The following MAP2K5 variants were observed in gnomAD, a reference collection of about 807,000 sequenced individuals.
MAP2K5 encodes the protein mitogen-activated protein kinase kinase 5.
MAP2K5 carries 49 observed loss-of-function variants against 83.1 expected under a neutral mutation model. The ratio of observed to expected loss-of-function variants is 0.59; its 90% CI spans 0.47 to 0.75. MAP2K5 has a LOEUF of 0.75. Ranked by LOEUF, MAP2K5 falls within the 30% of genes least tolerant of loss-of-function variation. The pLI is 0.00. For synonymous variants in MAP2K5, 202 were observed against 191.8 expected (o/e 1.05, Z -0.44); for missense variants, 457 against 557.5 (o/e 0.82, Z 1.82).
chr15:67,601,201 T>G (rs2085651272), intron 8 of MAP2K5, among the ~76,000 whole-genome samples: 1 of 152,200 alleles, frequency 6.6e-6, no homozygotes, highest in Non-Finnish European at 1.5e-5. Flanking sequence ...TGTTGTATTT[T>G]CTTCTCTCCT....
At chr15:67,609,274 C>G (rs1380476125) in intron 8 of MAP2K5, among the ~76,000 whole-genome samples, 1 of 152,056 alleles carries the variant, frequency 6.6e-6, no homozygotes, top group East Asian at 1.9e-4. Flanking sequence ...CTATTCCAAG[C>G]ATGTACAGTC....
rs1342226486 is a variant in MAP2K5 at position 67,677,784 on chromosome 15, G to A, written c.847+13139G>A. The stretch of plus-strand genomic sequence containing the variant: ...CTTTTACTTACTATGAAAGGATTAA[G>A]AGAGGGAGAATTGAGAAGCTCAGGC... On this transcript the variant is annotated intron_variant, in intron 13 of 21. Transcript: ENST00000178640. This position sits in a 1 kb window ranked among gnomAD's most constrained non-coding sequence, Gnocchi z 4.2. Among the ~76,000 whole-genome samples the A allele has an allele frequency of 6.6e-6, 1 of 152,208 alleles. No individual in the cohort carries two copies. The highest frequency in any genetic ancestry group is 2.4e-5 in the African/African-American group (1 of 41,444).
chr15:67,549,950 G>T, intron 1 of MAP2K5, 84 bp from the exon 2 acceptor site: 1 of 981,974 alleles, frequency 1.0e-6, no homozygotes. Context: ...TCTTTCCCAG[G>T]TTCTCATATT....
At chr15:67,566,155 CT>C (rs758428547) in intron 3 of MAP2K5, among the ~76,000 whole-genome samples, 2 of 152,014 alleles carry the variant, frequency 1.3e-5, no homozygotes, top group Non-Finnish European at 2.9e-5. Flanking sequence ...TTGCAAAAAG[CT>C]GTTTTTTTCT....
chr15:67,769,640 A>G lies in MAP2K5; in HGVS notation c.1173A>G (p.Pro391=), dbSNP rs1566958325. 6.2e-7 allele frequency: 1 copy of G among 1,613,786 alleles called. No individual in the cohort carries two copies. Among genetic ancestry groups the G allele is most frequent in the Non-Finnish European group, 8.5e-7 (1 of 1,179,774 alleles). Reference sequence around the variant, plus strand: ...TTCCAGTTGGAGAGTTCTCGGAGCCATTTGTACATTTCATCACTCAGTGGT... The same window carrying G: ...TTCCAGTTGGAGAGTTCTCGGAGCCGTTTGTACATTTCATCACTCAGTGGT... The part of the protein sequence containing the change: ...PVLPVGEFSE[P]FVHFITQCMR... The change falls in exon 20 of 22, where the codon CCA becomes CCG. Residue 391 remains proline, a synonymous_variant. Transcript: ENST00000178640. This position sits in a 1 kb window ranked among gnomAD's most constrained non-coding sequence, Gnocchi z 5.2.
rs1305160010 is a variant in MAP2K5 at position 67,676,447 on chromosome 15, G to C, written c.847+11802G>C. On this transcript the variant is annotated intron_variant, in intron 13 of 21. Coordinates refer to ENST00000178640, the MANE Select transcript of MAP2K5 (RefSeq NM_145160.3). The surrounding 1 kb of genome is among the most constrained non-coding windows in gnomAD (Gnocchi z 4.8). ...AAGAGATTTATCCTTGGGACATTTT[G>C]CCAAGCAGAATGGACAGACAGCTTT... Among the ~76,000 whole-genome samples, 2 of 152,058 alleles carry C rather than the reference G, an allele frequency of 1.3e-5. No individual in the cohort carries two copies. Among genetic ancestry groups the C allele is most frequent in the African/African-American group, 2.4e-5 (1 of 41,396 alleles).
In MAP2K5 at chr15:67,720,872, T is replaced by C. The variant is rs183584218; in HGVS notation, c.1045-7044T>C. ...GATATAACCCTATATTAGGTGAAGA[T>C]TGTGAACTAAGCTGCAATAAAGTGT... On this transcript the variant is annotated intron_variant, in intron 16 of 21. Coordinates refer to ENST00000178640, the MANE Select transcript of MAP2K5 (RefSeq NM_145160.3). The surrounding 1 kb of genome is among the most constrained non-coding windows in gnomAD (Gnocchi z 5.7). Among the ~76,000 whole-genome samples, 3 of 152,344 alleles carry C rather than the reference T, an allele frequency of 2.0e-5. No individual in the cohort carries two copies. The highest frequency in any genetic ancestry group is 7.2e-5 in the African/African-American group (3 of 41,586).
intron 13 of MAP2K5, among the ~76,000 whole-genome samples, chr15:67,673,002 T>C (rs923817191): frequency 6.6e-6 from 1 of 152,132 alleles, no homozygotes; most frequent in Admixed American, 6.5e-5. Flanking sequence ...GAGGGCTCTG[T>C]TCTGTTCCAT....
At chr15:67,669,816 G>A (rs1224184950) in intron 13 of MAP2K5, among the ~76,000 whole-genome samples, 1 of 152,036 alleles carries the variant, frequency 6.6e-6, no homozygotes, top group African/African-American at 2.4e-5. Context: ...ATAATATGAA[G>A]TGCTGACTAG....
In MAP2K5 at chr15:67,628,341, G is replaced by A. The variant is rs140450540; in HGVS notation, c.546-2547G>A. 9.6e-3 allele frequency: 4,983 copies of A among 517,098 alleles called. 39 individuals are homozygous for A. The highest frequency in any genetic ancestry group is 0.014 in the Non-Finnish European group (4,160 of 291,274). The allele number at this position is 517,098 out of a possible 1,614,324, so 32.0% of individuals were successfully genotyped here. A position where few individuals can be genotyped will look rare whatever the true frequency, so the allele number is the denominator to read the frequency against. ...CTAAAAATACAAAAATTAGCTGGTCGTGGTGGCAGGCACCTGTAATCCCAG... is the reference window on the plus strand; with the variant it reads ...CTAAAAATACAAAAATTAGCTGGTCATGGTGGCAGGCACCTGTAATCCCAG... On this transcript the variant is annotated intron_variant, in intron 8 of 21. Transcript: ENST00000178640.
rs59269114 is a variant in MAP2K5, at chr15:67,547,077, A to AACACACACACACACACACAC, written c.136-2945_136-2926dup. ...GAGACCCTATCTCAAAAAAGAAGAA[A>AACACACACACACACACACAC]ACACACACACACACACACACACACA... On this transcript the variant is annotated intron_variant, in intron 1 of 21. Transcript: ENST00000178640. 3.8e-3 allele frequency among the ~76,000 whole-genome samples: 547 copies of AACACACACACACACACACAC among 144,178 alleles called. 7 individuals carry two copies. Among genetic ancestry groups the AACACACACACACACACACAC allele is most frequent in the African/African-American group, 8.8e-3 (339 of 38,584 alleles). 94.6% of individuals were successfully genotyped at this position (144,178 alleles called of 152,430 possible). A position where few individuals can be genotyped will look rare whatever the true frequency, so the allele number is the denominator to read the frequency against.
At chr15:67,544,607 A>G (rs935789269) in intron 1 of MAP2K5, among the ~76,000 whole-genome samples, 6 of 152,300 alleles carry the variant, frequency 3.9e-5, no homozygotes, top group Non-Finnish European at 2.9e-5. Context: ...TATTCATTTG[A>G]GATAGACAGG....
rs980754550 is a variant in MAP2K5 at position 67,668,111 on chromosome 15, T to C, written c.847+3466T>C. The stretch of plus-strand genomic sequence containing the variant: ...TATTCAGTCAGGTGTTACTATTGTT[T>C]ATTTTGCTCTTTTTAAGATTTGGTT... On this transcript the variant is annotated intron_variant, in intron 13 of 21. Coordinates refer to ENST00000178640, the MANE Select transcript of MAP2K5 (RefSeq NM_145160.3). This position sits in a 1 kb window ranked among gnomAD's most constrained non-coding sequence, Gnocchi z 4.0. Among the ~76,000 whole-genome samples the C allele has an allele frequency of 2.0e-5, 3 of 152,216 alleles. No homozygotes were observed. Among genetic ancestry groups the C allele is most frequent in the African/African-American group, 7.2e-5 (3 of 41,472 alleles).
rs12593640 is a variant in MAP2K5, at chr15:67,786,750, G to C, written c.1242+13998G>C. On this transcript the variant is annotated intron_variant, in intron 21 of 21. Transcript: ENST00000178640. The surrounding 1 kb of genome is among the most constrained non-coding windows in gnomAD (Gnocchi z 4.7). ...TACTGAACGCTCTCCACCTCTAGTT[G>C]CTTATCTACAAAAATAGAGTATCGC... Among the ~76,000 whole-genome samples, 14,046 of 152,250 alleles carry C rather than the reference G, an allele frequency of 0.092. 761 individuals carry two copies. Among genetic ancestry groups the C allele is most frequent in the Admixed American group, 0.11 (1,606 of 15,290 alleles).
intron 16 of MAP2K5, among the ~76,000 whole-genome samples, chr15:67,712,261 A>T (rs1220578242): frequency 6.6e-6 from 1 of 152,220 alleles, no homozygotes. Flanking sequence ...CTGACTAGGA[A>T]GACTTAAAGA....
intron 11 of MAP2K5, among the ~76,000 whole-genome samples, chr15:67,651,331 A>G: frequency 6.6e-6 from 1 of 152,244 alleles, no homozygotes; most frequent in East Asian, 1.9e-4. Context: ...ACTCAAAGTA[A>G]TGGAGATATG....
intron 3 of MAP2K5, among the ~76,000 whole-genome samples, chr15:67,566,426 T>C (rs1427352547): frequency 6.6e-6 from 1 of 152,210 alleles, no homozygotes; most frequent in Non-Finnish European, 1.5e-5. Flanking sequence ...TCCGCACACC[T>C]TGGCCTCCCA....
chr15:67,745,209 G>T (rs1452925774), intron 17 of MAP2K5, among the ~76,000 whole-genome samples: 1 of 152,192 alleles, frequency 6.6e-6, no homozygotes, highest in Non-Finnish European at 1.5e-5. Flanking sequence ...AGGAATGAGG[G>T]CTTGGACAAG....
chr15:67,697,731 C>T (rs1186657444), intron 15 of MAP2K5, among the ~76,000 whole-genome samples: 1 of 152,042 alleles, frequency 6.6e-6, no homozygotes, highest in East Asian at 1.9e-4. Context: ...CAAAATTACC[C>T]AAATACAGCC....
Sources: gnomAD v4.1 joint callset for allele counts (sites outside exome capture counted in the v4.1 genomes callset) on GRCh38, gnomAD v4.1.1 for gene constraint, Gnocchi (gnomAD v3.1) non-coding constraint, MANE v1.5 for transcripts, NCBI Gene and HGNC (gene_info 2026-07-23, HGNC 2026-07-21) for gene names.